The following NECAB2 variants were observed in gnomAD, a reference collection of about 807,000 sequenced individuals.
NECAB2 encodes N-terminal EF-hand calcium-binding protein 2.
Under a neutral mutation model 51.9 loss-of-function variants are expected in NECAB2, and 68 were observed. That is an observed-to-expected ratio of 1.31 (90% CI 1.08 to 1.60). NECAB2 has a LOEUF of 1.60. Ranked by LOEUF, NECAB2 falls within the 40% of genes most tolerant of loss-of-function variation. NECAB2 has a pLI of 0.00. For missense variants in NECAB2, 854 were observed against 490.3 expected (o/e 1.74, Z -7.00); for synonymous variants, 329 against 203.5 (o/e 1.62, Z -5.25).
chr16:83,998,230 T>C lies in NECAB2; in HGVS notation c.875T>C (p.Met292Thr), dbSNP rs772938793. ...NMHLQLVRQE[M>T]AVCPEQLSEF... The stretch of plus-strand genomic sequence containing the variant: ...CACCTGCAGCTGGTCCGGCAGGAGA[T>C]GGCCGTGTGCCCCGAGCAACTGAGC... The change falls in exon 10 of 13, where the codon ATG (methionine) becomes ACG (threonine). Residue 292 changes from methionine (M) to threonine (T), a missense_variant. Transcript: ENST00000305202. The C allele has an allele frequency of 2.4e-5, 39 of 1,611,680 alleles. No homozygotes were observed. Among genetic ancestry groups the C allele is most frequent in the Non-Finnish European group, 3.1e-5 (37 of 1,180,010 alleles).
upstream of NECAB2, chr16:83,966,097 G>A (rs957914314): frequency 2.7e-5 from 30 of 1,098,306 alleles, no homozygotes; most frequent in South Asian, 9.8e-5. Context: ...AAGATGCCCC[G>A]GGGAGGGGTG....
intron 11 of NECAB2, 26 bp downstream of exon 11, chr16:84,000,827 G>T (rs1162461685): frequency 5.0e-6 from 8 of 1,602,590 alleles, no homozygotes; most frequent in Non-Finnish European, 6.8e-6. Context: ...CCCACAGCAG[G>T]TGAGGGAGAC....
At chr16:83,975,047 G>C (rs1209645188) in intron 2 of NECAB2, among the ~76,000 whole-genome samples, 1 of 137,354 alleles carries the variant, frequency 7.3e-6, no homozygotes, top group Non-Finnish European at 1.6e-5. Context: ...GGTGTGCAGG[G>C]ATGAGAGCAG....
At chr16:83,966,791 G>A (rs1244339750), upstream of NECAB2, among the ~76,000 whole-genome samples, 2 of 152,206 alleles carry the variant, frequency 1.3e-5, no homozygotes, top group African/African-American at 4.8e-5. Flanking sequence ...CCTCTAGGAA[G>A]CCTCTTCTGA....
intron 11 of NECAB2, among the ~76,000 whole-genome samples, chr16:84,001,161 A>G (rs969385796): frequency 2.6e-5 from 4 of 152,124 alleles, no homozygotes; most frequent in East Asian, 3.9e-4. Context: ...CATGTGATCA[A>G]TTGTTCCAGC....
At chr16:83,996,114 T>A (rs1456267699) in intron 8 of NECAB2, among the ~76,000 whole-genome samples, 10 of 152,172 alleles carry the variant, frequency 6.6e-5, no homozygotes. Flanking sequence ...CGGAGCTGCC[T>A]CTGGGCTGGA....
At chr16:83,998,131 A>T in intron 9 of NECAB2, 74 bp from the exon 10 acceptor site, 2 of 1,348,116 alleles carry the variant, frequency 1.5e-6, no homozygotes, top group Non-Finnish European at 2.1e-6. Flanking sequence ...AAGGGAGGTC[A>T]TGGGGGCCTG....
intron 5 of NECAB2, among the ~76,000 whole-genome samples, chr16:83,984,561 A>AAAAAC (rs1179841090): frequency 2.6e-5 from 4 of 151,918 alleles, no homozygotes; most frequent in Non-Finnish European, 4.4e-5. Context: ...CGTTTCTACC[A>AAAAAC]AAAACAAAAC....
intron 2 of NECAB2, among the ~76,000 whole-genome samples, chr16:83,976,863 C>T (rs1217330096): frequency 6.6e-6 from 1 of 152,212 alleles, no homozygotes; most frequent in Non-Finnish European, 1.5e-5. Context: ...ATGCTCTCAC[C>T]CTGTGTTGAG....
chr16:83,998,954 G>A (rs1012743626), intron 10 of NECAB2, among the ~76,000 whole-genome samples: 1 of 152,172 alleles, frequency 6.6e-6, no homozygotes, highest in Non-Finnish European at 1.5e-5. Flanking sequence ...ACAGCCCTTT[G>A]TTCTTGCTGG....
upstream of NECAB2, among the ~76,000 whole-genome samples, chr16:83,967,414 A>G (rs2151081458): frequency 1.2e-5 from 1 of 83,442 alleles, no homozygotes; most frequent in Non-Finnish European, 2.4e-5. Context: ...TGGATAGATG[A>G]GAGGATGGTT....
intron 8 of NECAB2, among the ~76,000 whole-genome samples, chr16:83,996,438 C>A (rs1363226948): frequency 1.3e-5 from 2 of 152,324 alleles, no homozygotes; most frequent in South Asian, 2.1e-4. Context: ...ACTCATCCAC[C>A]TGCTGCTGTT....
chr16:84,000,117 C>G (rs2084797246), intron 10 of NECAB2, among the ~76,000 whole-genome samples: 1 of 151,926 alleles, frequency 6.6e-6, no homozygotes, highest in South Asian at 2.1e-4. Flanking sequence ...GTCTTGAACT[C>G]CTGACCTCAC....
chr16:83,998,369 G>T, intron 10 of NECAB2, 52 bp downstream of exon 10: 2 of 1,542,552 alleles, frequency 1.3e-6, no homozygotes, highest in Non-Finnish European at 1.8e-6. Flanking sequence ...GCTCTGCCTG[G>T]CAGTGGAGGA....
chr16:83,997,142 A>T, intron 8 of NECAB2, 74 bp from the exon 9 acceptor site: 4 of 1,590,588 alleles, frequency 2.5e-6, no homozygotes, highest in South Asian at 1.1e-5. Flanking sequence ...AGCCCCAGGG[A>T]TCCCAGAGCT....
chr16:84,000,899 G>T lies in NECAB2; in HGVS notation c.1040+98G>T, dbSNP rs548695685. Reference sequence around the variant, plus strand: ...CATCCTTGGAGGGGAGGGTAAGGCCGAGTCCAGTCAGCAGATTCCCGAGGC... The same window carrying T: ...CATCCTTGGAGGGGAGGGTAAGGCCTAGTCCAGTCAGCAGATTCCCGAGGC... On this transcript the variant is annotated intron_variant, in intron 11 of 12. Coordinates refer to ENST00000305202, the MANE Select transcript of NECAB2 (RefSeq NM_019065.3). The T allele has an allele frequency of 1.2e-4, 152 of 1,218,744 alleles. No homozygotes were observed. In the African/African-American group the frequency reaches 2.0e-3, roughly 16 times the overall value. 75.5% of individuals were successfully genotyped at this position (1,218,744 alleles called of 1,614,324 possible). A position where few individuals can be genotyped will look rare whatever the true frequency, so the allele number is the denominator to read the frequency against.
intron 9 of NECAB2, among the ~76,000 whole-genome samples, chr16:83,997,636 T>C (rs914131621): frequency 2.0e-5 from 3 of 151,828 alleles, no homozygotes; most frequent in Non-Finnish European, 2.9e-5. Flanking sequence ...TACAGGTGTG[T>C]GCCACCACGC....
At position 84,002,604 on chromosome 16, in the gene NECAB2, T is replaced by G; in HGVS notation, c.*258T>G. 1.7e-6 allele frequency: 1 copy of G among 576,988 alleles called. No individual in the cohort carries two copies. Among genetic ancestry groups the G allele is most frequent in the Non-Finnish European group, 3.1e-6 (1 of 323,402 alleles). 35.7% of individuals were successfully genotyped at this position (576,988 alleles called of 1,614,324 possible). On this transcript the variant is annotated 3_prime_UTR_variant, in exon 13 of 13. Coordinates refer to ENST00000305202, the MANE Select transcript of NECAB2 (RefSeq NM_019065.3). Reference sequence around the variant, plus strand: ...TCCTGGAGCCAGCACCCCTGCCTCCTGGTCCTGGCCTCTCCCCTACCCCTC... The same window carrying G: ...TCCTGGAGCCAGCACCCCTGCCTCCGGGTCCTGGCCTCTCCCCTACCCCTC...
chr16:83,997,106 G>T, intron 8 of NECAB2, 110 bp from the exon 9 acceptor site: 1 of 1,309,898 alleles, frequency 7.6e-7, no homozygotes, highest in South Asian at 1.2e-5. Context: ...CTGTGCAACA[G>T]GGCCGGGTCC....
Sources: allele counts gnomAD v4.1 joint callset (sites outside exome capture counted in the v4.1 genomes callset), GRCh38; gene constraint gnomAD v4.1.1; transcripts MANE v1.5; gene names NCBI Gene and HGNC (gene_info 2026-07-23, HGNC 2026-07-21).